The following ROBO1 variants were observed in gnomAD, a reference collection of about 807,000 sequenced individuals.
ROBO1 encodes the protein roundabout homolog 1.
In ROBO1, 149 loss-of-function variants were observed where a neutral mutation model predicts 195.9. That is an observed-to-expected ratio of 0.76 (90% CI 0.67 to 0.87). ROBO1 has a LOEUF of 0.87. Among genes scored for constraint, ROBO1 ranks in the 40% least tolerant of loss-of-function variants. The pLI is 0.00. For missense variants in ROBO1, 1,933 were observed against 2,068.3 expected (o/e 0.93, Z 1.27); for synonymous variants, 816 against 733.2 (o/e 1.11, Z -1.82).
chr3:78,999,921 A>C (rs1432181291), intron 3 of ROBO1, among the ~76,000 whole-genome samples: 1 of 151,838 alleles, frequency 6.6e-6, no homozygotes, highest in Admixed American at 6.6e-5. Flanking sequence ...TTCTTTAAAT[A>C]CTCCTTGACC....
chr3:79,508,219 G>A (rs1019947333), intron 2 of ROBO1, among the ~76,000 whole-genome samples: 8 of 152,086 alleles, frequency 5.3e-5, no homozygotes, highest in Non-Finnish European at 1.0e-4. Flanking sequence ...AAACCTGCAC[G>A]TTGTGCACAT....
rs920391536 is a variant in ROBO1 at position 79,529,625 on chromosome 3, G to A, written c.88+60199C>T. Among the ~76,000 whole-genome samples the A allele has an allele frequency of 4.6e-5, 7 of 152,324 alleles. No homozygotes were observed. The East Asian group carries it at 1.3e-3, about 29-fold the overall frequency. On this transcript the variant is annotated intron_variant, in intron 2 of 30. Coordinates refer to ENST00000464233, the MANE Select transcript of ROBO1 (RefSeq NM_002941.4). ...CTGATAACAGAGACAGCTAATAAGT[G>A]ACAAACAGGTGGGTAGTGGTAGTGT... is the stretch of plus-strand genomic sequence containing the variant.
chr3:79,643,513 A>G (rs1945729080), intron 1 of ROBO1, among the ~76,000 whole-genome samples: 2 of 152,178 alleles, frequency 1.3e-5, no homozygotes, highest in South Asian at 4.1e-4. Context: ...TAGGCAATAA[A>G]AGCTATGCAA....
intron 2 of ROBO1, among the ~76,000 whole-genome samples, chr3:79,273,867 A>T (rs1230409257): frequency 6.6e-6 from 1 of 152,002 alleles, no homozygotes; most frequent in Non-Finnish European, 1.5e-5. Context: ...GATTTAAAAA[A>T]CTATAATGCT....
At chr3:79,506,720 G>C (rs1456823324) in intron 2 of ROBO1, among the ~76,000 whole-genome samples, 2 of 152,226 alleles carry the variant, frequency 1.3e-5, no homozygotes, top group East Asian at 3.8e-4. Flanking sequence ...TGGGATTACA[G>C]GCGTGAGTCA....
intron 3 of ROBO1, among the ~76,000 whole-genome samples, chr3:79,016,811 G>A (rs747423551): frequency 6.6e-5 from 10 of 152,154 alleles, no homozygotes; most frequent in Non-Finnish European, 1.5e-4. Context: ...AACCAGAAAG[G>A]TGAATCAACA....
chr3:78,819,641 C>T (rs1396340062), intron 4 of ROBO1, among the ~76,000 whole-genome samples: 4 of 152,168 alleles, frequency 2.6e-5, no homozygotes, highest in African/African-American at 4.8e-5. Flanking sequence ...AACTCTCTCC[C>T]ATGATCTGTT....
At chr3:79,232,237 C>T (rs1383750746) in intron 2 of ROBO1, among the ~76,000 whole-genome samples, 2 of 145,580 alleles carry the variant, frequency 1.4e-5, no homozygotes, top group South Asian at 2.1e-4. Context: ...TTAAGACATC[C>T]TCCTTGATTT....
intron 4 of ROBO1, among the ~76,000 whole-genome samples, chr3:78,815,133 C>T (rs912860972): frequency 3.3e-5 from 5 of 152,026 alleles, no homozygotes; most frequent in Non-Finnish European, 7.4e-5. Context: ...TTCCTATTCC[C>T]TGAGACACAA....
At chr3:79,431,321 A>G (rs889956844) in intron 2 of ROBO1, among the ~76,000 whole-genome samples, 1 of 152,112 alleles carries the variant, frequency 6.6e-6, no homozygotes, top group African/African-American at 2.4e-5. Context: ...ATTATAACCA[A>G]ATGAGACTTT....
intron 4 of ROBO1, among the ~76,000 whole-genome samples, chr3:78,928,884 G>A (rs569982240): frequency 2.8e-4 from 42 of 152,210 alleles, no homozygotes; most frequent in African/African-American, 9.9e-4. Flanking sequence ...TCTGATAAAA[G>A]AGTAACTTAA....
intron 2 of ROBO1, among the ~76,000 whole-genome samples, chr3:79,516,162 C>A (rs1281762264): frequency 6.6e-6 from 1 of 151,986 alleles, no homozygotes; most frequent in Non-Finnish European, 1.5e-5. Context: ...TGAAACCTGG[C>A]AATTGATGAT....
At chr3:78,687,339 T>C (rs558764374) in intron 9 of ROBO1, among the ~76,000 whole-genome samples, 1 of 152,302 alleles carries the variant, frequency 6.6e-6, no homozygotes, top group African/African-American at 2.4e-5. Flanking sequence ...AAATGGAATG[T>C]GTTAGAACCT....
intron 5 of ROBO1, among the ~76,000 whole-genome samples, chr3:78,731,225 C>T (rs983600457): frequency 3.9e-5 from 6 of 151,902 alleles, no homozygotes; most frequent in Admixed American, 6.6e-5. Context: ...GTAATACAAA[C>T]GGTATTAATT....
chr3:79,274,148 A>G (rs1263838522), intron 2 of ROBO1, among the ~76,000 whole-genome samples: 3 of 151,972 alleles, frequency 2.0e-5, no homozygotes, highest in Non-Finnish European at 4.4e-5. Flanking sequence ...CTTAATCTGT[A>G]GTATACATCA....
At chr3:79,444,635 A>T (rs1025263858) in intron 2 of ROBO1, among the ~76,000 whole-genome samples, 2 of 152,134 alleles carry the variant, frequency 1.3e-5, no homozygotes, top group African/African-American at 4.8e-5. Context: ...CTTGGACTTG[A>T]GCACCAGTAG....
intron 2 of ROBO1, among the ~76,000 whole-genome samples, chr3:79,218,443 G>A (rs1470061548): frequency 6.6e-6 from 1 of 151,808 alleles, no homozygotes; most frequent in African/African-American, 2.4e-5. Flanking sequence ...GTTTGAAACT[G>A]GTACTAACTA....
At chr3:78,702,313 C>T (rs1379790794) in intron 8 of ROBO1, among the ~76,000 whole-genome samples, 1 of 152,136 alleles carries the variant, frequency 6.6e-6, no homozygotes, top group Non-Finnish European at 1.5e-5. Flanking sequence ...TAAACAGTCA[C>T]ATTTTTAGTT....
At chr3:79,113,447 A>G (rs1307905902) in intron 3 of ROBO1, among the ~76,000 whole-genome samples, 1 of 152,098 alleles carries the variant, frequency 6.6e-6, no homozygotes, top group African/African-American at 2.4e-5. Context: ...TATAAAAATC[A>G]AATGAAAGAA....
Sources: allele counts gnomAD v4.1 joint callset (sites outside exome capture counted in the v4.1 genomes callset), GRCh38; gene constraint gnomAD v4.1.1; transcripts MANE v1.5; gene names NCBI Gene and HGNC (gene_info 2026-07-23, HGNC 2026-07-21).